Variants in ZNF808 observed in about 807,000 individuals in gnomAD.
ZNF808 encodes the protein zinc finger protein 808.
A neutral mutation model predicts 8.7 loss-of-function variants in ZNF808; 5 were observed. The observed-to-expected ratio is 0.58, with a 90% confidence interval of 0.30 to 1.21. The LOEUF is 1.21. ZNF808 is among the 50% of genes most tolerant of loss of function. ZNF808 has a pLI of 0.07. For synonymous variants in ZNF808, 380 were observed against 366.0 expected (o/e 1.04, Z -0.44); for missense variants, 1,103 against 1,098.4 (o/e 1.00, Z -0.06).
chr19:52,543,764 G>A lies in ZNF808; in HGVS notation c.63+417G>A, dbSNP rs116093396. On this transcript the variant is annotated intron_variant, in intron 3 of 4. Coordinates refer to ENST00000359798, the MANE Select transcript of ZNF808 (RefSeq NM_001039886.4). ...TGTGGTAAATTCTGGGAAAGGAGAC[G>A]AATAAGAGGAGATATTTTGTATCTG... 3.8e-3 allele frequency among the ~76,000 whole-genome samples: 579 copies of A among 152,220 alleles called. 4 individuals carry two copies. Among genetic ancestry groups the A allele is most frequent in the African/African-American group, 0.013 (549 of 41,536 alleles).
At chr19:52,561,729 TA>T (rs1174830703) in intron 3 of ZNF808, among the ~76,000 whole-genome samples, 1 of 151,954 alleles carries the variant, frequency 6.6e-6, no homozygotes, top group African/African-American at 2.4e-5. Context: ...GTATTTGTAT[TA>T]GAGATGGTGT....
At chr19:52,543,096 A>G (rs2059687921) in intron 2 of ZNF808, among the ~76,000 whole-genome samples, 170 bp from the exon 3 acceptor site, 1 of 152,038 alleles carries the variant, frequency 6.6e-6, no homozygotes. Context: ...GGGGTCAAAC[A>G]TACACTTGTA....
downstream of ZNF808, among the ~76,000 whole-genome samples, chr19:52,567,420 T>G (rs1339367068): frequency 6.7e-6 from 1 of 150,138 alleles, no homozygotes; most frequent in Admixed American, 6.6e-5. Context: ...AGTTTTCTTT[T>G]TTTTTTCTTT....
Position 52,553,325 on chromosome 19 carries a change from G to A in ZNF808, c.409G>A (p.Gly137Ser). Residue 137 changes from glycine to serine, a missense_variant, in exon 5 of 5, where the codon GGT becomes AGT. By Grantham distance (56) the Gly-to-Ser change is moderately conservative (BLOSUM62 0). Coordinates refer to ENST00000359798, the MANE Select transcript of ZNF808 (RefSeq NM_001039886.4). ...APTTKIKKLT[G>S]STDQHDHRHA... ...CACGACAAAAATAAAAAAGTTGACT[G>A]GTAGCACAGACCAACATGATCACAG... 3.1e-6 allele frequency: 5 copies of A among 1,614,012 alleles called. No individual in the cohort carries two copies. The highest frequency in any genetic ancestry group is 4.2e-6 in the Non-Finnish European group (5 of 1,179,936).
intron 2 of ZNF808, among the ~76,000 whole-genome samples, chr19:52,542,376 G>T (rs577615702): frequency 1.8e-4 from 28 of 152,216 alleles, no homozygotes; most frequent in African/African-American, 5.5e-4. Flanking sequence ...CCCACGGGTC[G>T]CTTTCCTTTT....
intron 3 of ZNF808, among the ~76,000 whole-genome samples, chr19:52,562,115 G>A (rs768040672): frequency 5.3e-5 from 8 of 152,086 alleles, no homozygotes; most frequent in Non-Finnish European, 1.2e-4. Context: ...TTTGAGACCA[G>A]TCAGGTAATC....
downstream of ZNF808, among the ~76,000 whole-genome samples, chr19:52,567,464 G>C (rs1314397501): frequency 6.9e-6 from 1 of 145,652 alleles, no homozygotes; most frequent in Non-Finnish European, 1.5e-5. Flanking sequence ...TCAGGCTTGA[G>C]ACACCTTGTC....
At chr19:52,561,920 A>T (rs1337139033) in intron 3 of ZNF808, among the ~76,000 whole-genome samples, 4 of 152,202 alleles carry the variant, frequency 2.6e-5, no homozygotes, top group African/African-American at 9.6e-5. Context: ...TACAGGCTCT[A>T]AACTTCCTTT....
chr19:52,530,867 G>A (rs1184757138), intron 1 of ZNF808, among the ~76,000 whole-genome samples: 10 of 152,086 alleles, frequency 6.6e-5, no homozygotes, highest in East Asian at 1.9e-4. Flanking sequence ...CACCTACTCC[G>A]GAGGCTGAGG....
chr19:52,539,919 T>A (rs2059654005), intron 2 of ZNF808, among the ~76,000 whole-genome samples: 1 of 151,952 alleles, frequency 6.6e-6, no homozygotes, highest in Non-Finnish European at 1.5e-5. Context: ...ATCACAGCAC[T>A]GTGCAGCGGC....
Position 52,555,106 on chromosome 19 carries a change from T to A in ZNF808, c.2190T>A (p.Ser730Arg). ...SSLVCHRRIH[S>R]GEKPYKCSEC... The stretch of plus-strand genomic sequence containing the variant: ...TTGTATGCCATCGTAGAATTCATAG[T>A]GGTGAGAAACCTTACAAGTGTAGTG... The change falls in exon 5 of 5, where the codon AGT (serine) becomes AGA (arginine). Residue 730 changes from serine to arginine, a missense_variant. Physicochemically the swap from Ser to Arg is moderately radical, Grantham distance 110 (BLOSUM62 -1). Coordinates refer to ENST00000359798, the MANE Select transcript of ZNF808 (RefSeq NM_001039886.4). 1 of 1,614,160 alleles carries A rather than the reference T, an allele frequency of 6.2e-7. No homozygotes were observed. Among genetic ancestry groups the A allele is most frequent in the South Asian group, 1.1e-5 (1 of 91,086 alleles).
At chr19:52,559,012 C>T (rs529433294), downstream of ZNF808, among the ~76,000 whole-genome samples, 2 of 152,308 alleles carry the variant, frequency 1.3e-5, no homozygotes, top group African/African-American at 4.8e-5. Context: ...GAACCTCTGC[C>T]TAGGAAAGCC....
chr19:52,529,698 T>C (rs2059542860), intron 1 of ZNF808, among the ~76,000 whole-genome samples: 4 of 151,984 alleles, frequency 2.6e-5, no homozygotes, highest in Admixed American at 1.3e-4. Flanking sequence ...TCGCTGTCTG[T>C]TATTACATAA....
chr19:52,536,384 C>T (rs1266429613), intron 2 of ZNF808, among the ~76,000 whole-genome samples: 1 of 152,174 alleles, frequency 6.6e-6, no homozygotes, highest in African/African-American at 2.4e-5. Context: ...GCCTCCCAGC[C>T]TCTCCGTCTT....
intron 3 of ZNF808, among the ~76,000 whole-genome samples, chr19:52,545,501 C>T (rs1568484640): frequency 1.3e-5 from 2 of 152,026 alleles, no homozygotes; most frequent in Admixed American, 6.6e-5. Flanking sequence ...AAGATGGGGC[C>T]GGGCCCGGTT....
chr19:52,543,093 A>G (rs2059687866), intron 2 of ZNF808, among the ~76,000 whole-genome samples, 173 bp from the exon 3 acceptor site: 2 of 152,074 alleles, frequency 1.3e-5, no homozygotes, highest in African/African-American at 2.4e-5. Flanking sequence ...ACCGGGGTCA[A>G]ACATACACTT....
chr19:52,533,811 G>A (rs1189662824), intron 2 of ZNF808, among the ~76,000 whole-genome samples: 1 of 120,932 alleles, frequency 8.3e-6, no homozygotes. Context: ...CCACTGCACT[G>A]TAGCCTGGGT....
At chr19:52,560,646 T>C (rs1189520561), downstream of ZNF808, among the ~76,000 whole-genome samples, 4 of 152,190 alleles carry the variant, frequency 2.6e-5, no homozygotes, top group African/African-American at 7.2e-5. Flanking sequence ...TTTTGGATCT[T>C]GTTCATTCTT....
chr19:52,547,740 T>TGG, intron 4 of ZNF808, 102 bp downstream of exon 4: 1 of 830,862 alleles, frequency 1.2e-6, no homozygotes, highest in Non-Finnish European at 1.6e-6. Flanking sequence ...TCCATGCTGG[T>TGG]TTTTTTTTTT....
Sources: gnomAD v4.1 joint callset for allele counts (sites outside exome capture counted in the v4.1 genomes callset) on GRCh38, gnomAD v4.1.1 for gene constraint, MANE v1.5 for transcripts, NCBI Gene and HGNC (gene_info 2026-07-23, HGNC 2026-07-21) for gene names.